KIAA2012: variants seen among roughly 807,000 people sequenced by gnomAD.
KIAA2012 encodes the protein uncharacterized protein KIAA2012.
Under a neutral mutation model 150.6 loss-of-function variants are expected in KIAA2012, and 125 were observed. The ratio of observed to expected loss-of-function variants is 0.83; its 90% CI spans 0.72 to 0.96. The LOEUF (loss-of-function observed/expected upper bound fraction) is 0.96, where lower values mean the gene tolerates loss of function less well. Ranked by LOEUF, KIAA2012 falls within the 40% of genes least tolerant of loss-of-function variation. The probability of loss-of-function intolerance (pLI) is 0.00; values close to 1 mark genes in which losing one functional copy is unlikely to be tolerated. For missense variants in KIAA2012, 1,219 were observed against 1,354.9 expected (o/e 0.90, Z 1.57); for synonymous variants, 462 against 504.7 (o/e 0.92, Z 1.13).
intron 14 of KIAA2012, 123 bp downstream of exon 14, chr2:202,154,933 G>C: frequency 8.5e-7 from 1 of 1,178,100 alleles, no homozygotes; most frequent in Non-Finnish European, 1.2e-6. Flanking sequence ...ATTATCAGAA[G>C]GGACAGAAAA....
At chr2:202,150,457 G>GT (rs397987358) in intron 13 of KIAA2012, among the ~76,000 whole-genome samples, 43,066 of 149,672 alleles carry the variant, frequency 0.29, 7,334 homozygotes, top group East Asian at 0.52. Context: ...TGTTTTTTGT[G>GT]TTTTTTTTTG....
At chr2:202,182,265 C>T (rs1225586841) in intron 15 of KIAA2012, among the ~76,000 whole-genome samples, 1 of 151,882 alleles carries the variant, frequency 6.6e-6, no homozygotes, top group Non-Finnish European at 1.5e-5. Flanking sequence ...GCTTGCACCA[C>T]CACGCCCAGC....
At position 202,196,813 on chromosome 2, in the gene KIAA2012, A is replaced by G. The variant is rs1373584894; in HGVS notation, c.3201A>G (p.Gln1067=). The change falls in exon 22 of 24, where the codon CAA becomes CAG. Residue 1067 remains glutamine, a synonymous_variant. Transcript: ENST00000498697. Reference sequence around the variant, plus strand: ...TCTATTCTGCAGAGGCAGAGAAGCAAAGGCAAGAGGAATTGGAAATGCAGT... The same window carrying G: ...TCTATTCTGCAGAGGCAGAGAAGCAGAGGCAAGAGGAATTGGAAATGCAGT... ...EEAERAEAEK[Q]RQEELEMQLE... 1.9e-6 allele frequency: 3 copies of G among 1,550,524 alleles called. No individual in the cohort carries two copies. The highest frequency in any genetic ancestry group is 3.9e-5 in the Admixed American group (2 of 50,994).
intron 9 of KIAA2012, among the ~76,000 whole-genome samples, chr2:202,108,494 C>G (rs1028144948): frequency 2.0e-5 from 3 of 152,244 alleles, no homozygotes; most frequent in Admixed American, 6.5e-5. Context: ...TGGTCCCACT[C>G]TTTAGAATCT....
At chr2:202,148,937 G>C (rs1295339823) in intron 13 of KIAA2012, among the ~76,000 whole-genome samples, 2 of 152,128 alleles carry the variant, frequency 1.3e-5, no homozygotes, top group Non-Finnish European at 2.9e-5. Flanking sequence ...TCCCAGGTAC[G>C]CTCAGCCCCA....
At chr2:202,088,217 G>A (rs1689624571) in intron 2 of KIAA2012, among the ~76,000 whole-genome samples, 1 of 152,116 alleles carries the variant, frequency 6.6e-6, no homozygotes. Context: ...AACGAGGGAT[G>A]ACTATTTGGG....
At chr2:202,171,425 G>T (rs2105729108) in intron 15 of KIAA2012, among the ~76,000 whole-genome samples, 1 of 152,094 alleles carries the variant, frequency 6.6e-6, no homozygotes, top group African/African-American at 2.4e-5. Context: ...CAATAGCGCC[G>T]CTCCGGGTCC....
intron 2 of KIAA2012, among the ~76,000 whole-genome samples, chr2:202,082,174 G>GT (rs911748221): frequency 3.0e-4 from 45 of 152,044 alleles, no homozygotes; most frequent in African/African-American, 1.1e-3. Flanking sequence ...GGGTTGTTTG[G>GT]TTTTTTGTCA....
chr2:202,084,132 TG>T, intron 2 of KIAA2012, among the ~76,000 whole-genome samples: 1 of 152,090 alleles, frequency 6.6e-6, no homozygotes, highest in East Asian at 1.9e-4. Flanking sequence ...CTGCCAGTTC[TG>T]GGATTTGGGG....
chr2:202,108,705 A>T (rs1690265769), intron 9 of KIAA2012, among the ~76,000 whole-genome samples: 1 of 152,234 alleles, frequency 6.6e-6, no homozygotes. Context: ...GGGATGAAAA[A>T]TGTCAGTTTC....
At position 202,201,798 on chromosome 2, in the gene KIAA2012, G is replaced by GA. The variant is rs1458063907; in HGVS notation, c.3408-628dup. On this transcript the variant is annotated intron_variant, in intron 22 of 23. Coordinates refer to ENST00000498697, the MANE Select transcript of KIAA2012 (RefSeq NM_001277372.4). ...AGCATCAGTATAGGGTAGAGCCTGA[G>GA]AAAGATGCAAGGTCTGAGGGTAGAC... 6.1e-6 allele frequency: 8 copies of GA among 1,303,704 alleles called. No homozygotes were observed. In the African/African-American group the frequency reaches 8.7e-5, roughly 14 times the overall value. The allele number at this position is 1,303,704 out of a possible 1,614,324, so 80.8% of individuals were successfully genotyped here. A position where few individuals can be genotyped will look rare whatever the true frequency, so the allele number is the denominator to read the frequency against.
At chr2:202,084,018 TAGGGGAGAAGGTGC>T (rs1689508331) in intron 2 of KIAA2012, among the ~76,000 whole-genome samples, 1 of 151,984 alleles carries the variant, frequency 6.6e-6, no homozygotes, top group African/African-American at 2.4e-5. Context: ...CAGAGGCCTC[TAGGGGAGAAGGTGC>T]AGGGGAGGGG....
At chr2:202,126,607 AATG>A (rs1023272949) in intron 12 of KIAA2012, among the ~76,000 whole-genome samples, 2 of 119,022 alleles carry the variant, frequency 1.7e-5, no homozygotes, top group African/African-American at 3.5e-5. Flanking sequence ...CCTCAGTAAA[AATG>A]ATGATGATGG....
Position 202,075,106 on chromosome 2 carries a change from GA to G in KIAA2012, c.302del (p.Lys101SerfsTer149). 1 of 1,550,534 alleles carries G rather than the reference GA, an allele frequency of 6.4e-7. No homozygotes were observed. The highest frequency in any genetic ancestry group is 8.7e-7 in the Non-Finnish European group (1 of 1,147,000). On this transcript the variant is annotated frameshift_variant, in exon 2 of 24. Transcript: ENST00000498697. LOFTEE classifies it high-confidence loss of function. ...GPYCPRGPWR[K>X]LDLELHTLQD... ...CCTACTGCCCCAGAGGTCCCTGGAG[GA>G]AGCTGGATCTTGAACTGCACACACT...
chr2:202,092,913 C>T, intron 3 of KIAA2012, 117 bp from the exon 4 acceptor site: 1 of 800,056 alleles, frequency 1.2e-6, no homozygotes, highest in Non-Finnish European at 1.9e-6. Context: ...AATTGTCTTC[C>T]CTAATGGGCA....
chr2:202,193,704 T>C (rs1183567488), intron 20 of KIAA2012, among the ~76,000 whole-genome samples: 1 of 152,202 alleles, frequency 6.6e-6, no homozygotes, highest in East Asian at 1.9e-4. Context: ...ACCATGTGCA[T>C]TGGTACACTC....
At chr2:202,126,886 G>C (rs898512380) in intron 12 of KIAA2012, among the ~76,000 whole-genome samples, 1 of 152,108 alleles carries the variant, frequency 6.6e-6, no homozygotes, top group African/African-American at 2.4e-5. Context: ...TTATGACTAA[G>C]CATGGTTCAT....
In KIAA2012 at chr2:202,196,861, G is replaced by C. The variant is rs973893738; in HGVS notation, c.3249G>C (p.Leu1083=). 1 of 1,550,690 alleles carries C rather than the reference G, an allele frequency of 6.4e-7. No homozygotes were observed. The highest frequency in any genetic ancestry group is 2.0e-5 in the Admixed American group (1 of 51,002). The stretch of plus-strand genomic sequence containing the variant: ...AGTTAGAAGAAGAACAAAAACACCT[G>C]ATGGAAATGGCTGAAGAGGAACGAC... The part of the protein sequence containing the change: ...EMQLEEEQKH[L]MEMAEEERLE... The change falls in exon 22 of 24, where the codon CTG becomes CTC. Residue 1083 remains leucine, a synonymous_variant. Transcript: ENST00000498697.
chr2:202,103,747 A>C (rs1690111013), intron 8 of KIAA2012, among the ~76,000 whole-genome samples: 1 of 152,220 alleles, frequency 6.6e-6, no homozygotes, highest in African/African-American at 2.4e-5. Flanking sequence ...TTCTAAGCAA[A>C]GTTCTAAGAG....
Sources: gnomAD v4.1 joint callset for allele counts (sites outside exome capture counted in the v4.1 genomes callset) on GRCh38, gnomAD v4.1.1 for gene constraint, MANE v1.5 for transcripts, NCBI Gene and HGNC (gene_info 2026-07-23, HGNC 2026-07-21) for gene names.